PPP2R2B: variants seen among roughly 807,000 people sequenced by gnomAD.
PPP2R2B encodes serine/threonine-protein phosphatase 2A 55 kDa regulatory subunit B beta isoform.
Under a neutral mutation model 46.0 loss-of-function variants are expected in PPP2R2B, and 5 were observed. The ratio of observed to expected loss-of-function variants is 0.11; its 90% CI spans 0.06 to 0.23. PPP2R2B has a LOEUF of 0.23. PPP2R2B is among the 10% of genes least tolerant of loss of function. PPP2R2B has a pLI of 1.00. For synonymous variants in PPP2R2B, 215 were observed against 206.7 expected (o/e 1.04, Z -0.34); for missense variants, 367 against 575.0 (o/e 0.64, Z 3.70).
chr5:146,700,954 G>A (rs1581908140), intron 3 of PPP2R2B, 91 bp downstream of exon 3: 1 of 1,182,508 alleles, frequency 8.5e-7, no homozygotes, highest in East Asian at 2.3e-5. Context: ...AAAGCAGCAA[G>A]GTTAAGGGCG....
At chr5:146,689,258 C>T (rs773202640) in intron 5 of PPP2R2B, among the ~76,000 whole-genome samples, 1 of 152,154 alleles carries the variant, frequency 6.6e-6, no homozygotes, top group African/African-American at 2.4e-5. Flanking sequence ...GAAGCAGTGA[C>T]TATCATCATC....
intron 2 of PPP2R2B, among the ~76,000 whole-genome samples, chr5:146,715,077 T>C (rs534918304): frequency 6.6e-6 from 1 of 152,094 alleles, no homozygotes; most frequent in Non-Finnish European, 1.5e-5. Flanking sequence ...TTCACCAGTA[T>C]CCTTAATATC....
upstream of PPP2R2B, chr5:147,055,983 G>C (rs1757069890): frequency 1.5e-6 from 2 of 1,344,602 alleles, no homozygotes; most frequent in African/African-American, 1.5e-5. Flanking sequence ...AGCAAGCCGG[G>C]ATATAGCCTC....
intron 1 of PPP2R2B, among the ~76,000 whole-genome samples, chr5:147,012,662 T>C (rs961527346): frequency 8.6e-5 from 13 of 151,732 alleles, no homozygotes; most frequent in Admixed American, 6.6e-4. Context: ...GTTCTTTTAA[T>C]TGTGATGTTA....
intron 2 of PPP2R2B, among the ~76,000 whole-genome samples, chr5:146,759,779 C>T (rs1322978203): frequency 1.5e-4 from 22 of 148,044 alleles, no homozygotes; most frequent in East Asian, 7.9e-4. Context: ...TCATTTGTGA[C>T]GGAGGGTATA....
intron 2 of PPP2R2B, among the ~76,000 whole-genome samples, chr5:146,802,468 A>T (rs927578336): frequency 2.0e-5 from 3 of 152,222 alleles, no homozygotes; most frequent in Non-Finnish European, 4.4e-5. Flanking sequence ...CTGAAGCATC[A>T]TCTCATTCCA....
chr5:146,915,623 G>A (rs1175493984), intron 1 of PPP2R2B, among the ~76,000 whole-genome samples: 1 of 152,176 alleles, frequency 6.6e-6, no homozygotes, highest in Non-Finnish European at 1.5e-5. Flanking sequence ...ACACTCAGGT[G>A]CAGAGTTAGA....
chr5:146,788,665 A>G (rs1472328912), intron 2 of PPP2R2B, among the ~76,000 whole-genome samples: 5 of 152,210 alleles, frequency 3.3e-5, no homozygotes, highest in African/African-American at 1.2e-4. Flanking sequence ...CAGGAGGCAG[A>G]TGTTGCAGTG....
At chr5:147,028,439 A>G (rs927331687) in intron 1 of PPP2R2B, among the ~76,000 whole-genome samples, 2 of 152,176 alleles carry the variant, frequency 1.3e-5, no homozygotes, top group Non-Finnish European at 2.9e-5. Context: ...TACCTCAGTC[A>G]TTCCCCATTT....
chr5:146,985,018 T>A (rs1303564099), intron 1 of PPP2R2B, among the ~76,000 whole-genome samples: 1 of 22,310 alleles, frequency 4.5e-5, no homozygotes. Flanking sequence ...TTTCTTTTTC[T>A]TTTTTTTTTT....
intron 7 of PPP2R2B, among the ~76,000 whole-genome samples, chr5:146,627,919 A>G (rs558654148): frequency 6.6e-6 from 1 of 152,056 alleles, no homozygotes; most frequent in East Asian, 1.9e-4. Context: ...TGTTTCTCCA[A>G]TGACTACACT....
Position 146,985,025 on chromosome 5 carries a change from T to C in PPP2R2B, c.79+70640A>G, listed in dbSNP as rs937402991. Among the ~76,000 whole-genome samples the C allele has an allele frequency of 1.1e-4, 16 of 144,064 alleles. No homozygotes were observed. The South Asian group carries it at 1.8e-3, about 16-fold the overall frequency. The allele number at this position is 144,064 out of a possible 152,430, so 94.5% of individuals were successfully genotyped here. On this transcript the variant is annotated intron_variant, in intron 1 of 8. Transcript: ENST00000336640. ...GCAAATATTTTCTTTTTCTTTTTTT[T>C]TTTTTTTTTTTTTGAGACGGAGTCT...
chr5:147,000,151 T>C (rs987959762), intron 1 of PPP2R2B, among the ~76,000 whole-genome samples: 10 of 152,236 alleles, frequency 6.6e-5, no homozygotes, highest in African/African-American at 2.4e-4. Flanking sequence ...ATTTTGACAT[T>C]CTATTTATCA....
intron 1 of PPP2R2B, among the ~76,000 whole-genome samples, chr5:147,042,916 G>A (rs1274063918): frequency 1.3e-5 from 2 of 152,026 alleles, no homozygotes; most frequent in East Asian, 3.9e-4. Context: ...CCTGGAGAGG[G>A]GATGTACGTG....
intron 1 of PPP2R2B, among the ~76,000 whole-genome samples, chr5:146,994,357 G>T (rs1349718258): frequency 1.3e-5 from 2 of 152,128 alleles, no homozygotes; most frequent in African/African-American, 4.8e-5. Flanking sequence ...GTGAGTAACA[G>T]TTCAGTTTGG....
chr5:146,835,493 T>G (rs1006203852), intron 2 of PPP2R2B, among the ~76,000 whole-genome samples: 5 of 152,140 alleles, frequency 3.3e-5, no homozygotes, highest in Non-Finnish European at 7.4e-5. Context: ...GTTTGTCACC[T>G]GTCCATACTG....
chr5:146,600,027 A>G (rs1013360543), intron 8 of PPP2R2B, among the ~76,000 whole-genome samples: 2 of 152,214 alleles, frequency 1.3e-5, no homozygotes, highest in African/African-American at 4.8e-5. Flanking sequence ...GGTAAGCTGC[A>G]TGAGAGCAGG....
At chr5:147,034,085 C>T (rs187121299) in intron 1 of PPP2R2B, among the ~76,000 whole-genome samples, 1 of 152,302 alleles carries the variant, frequency 6.6e-6, no homozygotes, top group Non-Finnish European at 1.5e-5. Context: ...TCATTCTTCC[C>T]CTTGCAAACT....
chr5:146,667,198 T>G (rs976755093), intron 5 of PPP2R2B, among the ~76,000 whole-genome samples: 1 of 152,172 alleles, frequency 6.6e-6, no homozygotes, highest in Non-Finnish European at 1.5e-5. Context: ...CTTCTCTTCC[T>G]CAATGGCTGA....
Sources: allele counts gnomAD v4.1 joint callset (sites outside exome capture counted in the v4.1 genomes callset), GRCh38; gene constraint gnomAD v4.1.1; transcripts MANE v1.5; gene names NCBI Gene and HGNC (gene_info 2026-07-23, HGNC 2026-07-21).